The following ZDHHC17 variants were observed in gnomAD, a reference collection of about 807,000 sequenced individuals.
The protein encoded by ZDHHC17 is palmitoyltransferase ZDHHC17.
A neutral mutation model predicts 90.3 loss-of-function variants in ZDHHC17; 40 were observed. The observed-to-expected ratio is 0.44, with a 90% confidence interval of 0.34 to 0.58. The LOEUF (loss-of-function observed/expected upper bound fraction) is 0.58, where lower values mean the gene tolerates loss of function less well. ZDHHC17 is among the 20% of genes least tolerant of loss of function. The pLI, the probability that ZDHHC17 is intolerant of heterozygous loss-of-function variation, is 0.01. For synonymous variants in ZDHHC17, 235 were observed against 252.4 expected (o/e 0.93, Z 0.65); for missense variants, 614 against 780.8 (o/e 0.79, Z 2.55).
intron 1 of ZDHHC17, among the ~76,000 whole-genome samples, chr12:76,789,627 A>G (rs1461165777): frequency 6.6e-6 from 1 of 152,206 alleles, no homozygotes; most frequent in East Asian, 1.9e-4. Context: ...TAAGGGTGTG[A>G]GTACTATGAT....
intron 1 of ZDHHC17, among the ~76,000 whole-genome samples, chr12:76,782,516 C>G (rs1246455184): frequency 6.6e-6 from 1 of 152,122 alleles, no homozygotes; most frequent in Non-Finnish European, 1.5e-5. Context: ...TTGGGCCAGG[C>G]AAACACTTTA....
intron 2 of ZDHHC17, 55 bp from the exon 3 acceptor site, chr12:76,805,262 T>A: frequency 6.9e-7 from 1 of 1,440,502 alleles, no homozygotes; most frequent in East Asian, 2.5e-5. Flanking sequence ...ATGTTATTTT[T>A]AACTTTACAT....
intron 8 of ZDHHC17, among the ~76,000 whole-genome samples, chr12:76,824,686 G>T (rs1388419799): frequency 6.6e-6 from 1 of 151,816 alleles, no homozygotes; most frequent in Non-Finnish European, 1.5e-5. Flanking sequence ...GACAGATAAA[G>T]ATGGAATCTT....
chr12:76,766,672 C>T (rs1952435025), intron 1 of ZDHHC17, among the ~76,000 whole-genome samples: 1 of 152,040 alleles, frequency 6.6e-6, no homozygotes, highest in Non-Finnish European at 1.5e-5. Context: ...CGGTAACTAG[C>T]TAAGTGACCT....
intron 1 of ZDHHC17, among the ~76,000 whole-genome samples, chr12:76,785,489 C>T (rs1047196439): frequency 5.3e-5 from 8 of 152,232 alleles, no homozygotes; most frequent in Admixed American, 3.9e-4. Flanking sequence ...ATAAGTTGAA[C>T]CATTGTGAGT....
chr12:76,820,787 T>C (rs1263608031), intron 7 of ZDHHC17, among the ~76,000 whole-genome samples: 2 of 152,340 alleles, frequency 1.3e-5, no homozygotes, highest in Non-Finnish European at 1.5e-5. Flanking sequence ...CCAAAACCTT[T>C]GAATGATTTC....
At chr12:76,793,554 T>C (rs1166700604) in intron 1 of ZDHHC17, among the ~76,000 whole-genome samples, 1 of 152,158 alleles carries the variant, frequency 6.6e-6, no homozygotes. Flanking sequence ...GTTTGAAATC[T>C]CTGAGCTCTT....
At chr12:76,817,232 C>G (rs1953099519) in intron 7 of ZDHHC17, among the ~76,000 whole-genome samples, 1 of 151,900 alleles carries the variant, frequency 6.6e-6, no homozygotes, top group South Asian at 2.1e-4. Context: ...TTGGCTGATC[C>G]CAGGTCTGAA....
intron 2 of ZDHHC17, among the ~76,000 whole-genome samples, chr12:76,798,783 A>AAG (rs1239621267): frequency 1.3e-5 from 2 of 152,206 alleles, no homozygotes; most frequent in East Asian, 3.9e-4. Flanking sequence ...GAGCATGAGG[A>AAG]AGAGAGAGTG....
At chr12:76,812,613 T>G (rs1423695192) in intron 5 of ZDHHC17, among the ~76,000 whole-genome samples, 1 of 152,144 alleles carries the variant, frequency 6.6e-6, no homozygotes, top group Non-Finnish European at 1.5e-5. Context: ...ACATTTTTAT[T>G]ACTTGATTTT....
chr12:76,811,388 TCA>T (rs1335898112), intron 5 of ZDHHC17, among the ~76,000 whole-genome samples: 2 of 147,796 alleles, frequency 1.4e-5, no homozygotes, highest in Non-Finnish European at 3.1e-5. Flanking sequence ...TTTTTTACTT[TCA>T]GTTTTTAACT....
At chr12:76,764,469 C>T in intron 1 of ZDHHC17, 140 bp downstream of exon 1, 1 of 767,626 alleles carries the variant, frequency 1.3e-6, no homozygotes, top group Non-Finnish European at 2.1e-6. Context: ...GAATCCAGGC[C>T]TGAGCGCGGC....
In ZDHHC17 at chr12:76,842,010, A is replaced by C; in HGVS notation, c.1170A>C (p.Pro390=). The change falls in exon 11 of 17, where the codon CCA becomes CCC. Residue 390 remains proline, a synonymous_variant. Transcript: ENST00000426126. ...TCAACTTTTTATTTATCCATCTTCCATTCCTTGCCAATAGTGTTGCACTTT... is the reference window on the plus strand; with the variant it reads ...TCAACTTTTTATTTATCCATCTTCCCTTCCTTGCCAATAGTGTTGCACTTT... ...NDLNFLFIHL[P]FLANSVALFY... is the part of the protein sequence containing the mutation. The C allele has an allele frequency of 6.3e-7, 1 of 1,588,736 alleles. No individual in the cohort carries two copies.
intron 10 of ZDHHC17, among the ~76,000 whole-genome samples, chr12:76,830,593 A>G (rs1953288245): frequency 1.3e-5 from 2 of 152,200 alleles, no homozygotes; most frequent in East Asian, 1.9e-4. Context: ...AGTATGAGTA[A>G]AACAGATCTG....
intron 1 of ZDHHC17, among the ~76,000 whole-genome samples, chr12:76,785,722 A>G (rs1282817745): frequency 2.0e-5 from 3 of 152,200 alleles, no homozygotes; most frequent in South Asian, 2.1e-4. Flanking sequence ...CTGAGATGGG[A>G]TGTGTCTTCT....
In ZDHHC17 at chr12:76,821,133, G is replaced by C. The variant is rs914843068; in HGVS notation, c.772-1273G>C. ...ACCGAGGCAACTGCAGGATATTCCC[G>C]GGGAGTTGTTACCCAAGGGATTGCT... On this transcript the variant is annotated intron_variant, in intron 7 of 16. Coordinates refer to ENST00000426126, the MANE Select transcript of ZDHHC17 (RefSeq NM_015336.4). 4 of 1,284,172 alleles carry C rather than the reference G, an allele frequency of 3.1e-6. No homozygotes were observed. In the African/African-American group the frequency reaches 4.6e-5, roughly 15 times the overall value. 79.5% of individuals were successfully genotyped at this position (1,284,172 alleles called of 1,614,324 possible).
chr12:76,813,604 T>G (rs530007906), intron 5 of ZDHHC17, among the ~76,000 whole-genome samples: 1 of 152,226 alleles, frequency 6.6e-6, no homozygotes, highest in South Asian at 2.1e-4. Context: ...TGCATAGAGA[T>G]AGTGTTTTAC....
At chr12:76,814,668 T>G (rs1953063244) in intron 5 of ZDHHC17, among the ~76,000 whole-genome samples, 1 of 152,048 alleles carries the variant, frequency 6.6e-6, no homozygotes, top group East Asian at 1.9e-4. Context: ...AGTGTGTTGC[T>G]TTTTCCACAC....
intron 2 of ZDHHC17, among the ~76,000 whole-genome samples, chr12:76,800,905 T>TTA: frequency 6.7e-6 from 1 of 148,392 alleles, no homozygotes; most frequent in Admixed American, 6.7e-5. Flanking sequence ...TTTTTTTTTT[T>TTA]TAGACAGAGT....
Sources: allele counts gnomAD v4.1 joint callset (sites outside exome capture counted in the v4.1 genomes callset), GRCh38; gene constraint gnomAD v4.1.1; transcripts MANE v1.5; gene names NCBI Gene and HGNC (gene_info 2026-07-23, HGNC 2026-07-21).